AP3D1: variants seen among roughly 807,000 people sequenced by gnomAD.
AP3D1 encodes the protein adaptor related protein complex 3 subunit delta 1.
A neutral mutation model predicts 147.6 loss-of-function variants in AP3D1; 51 were observed. The ratio of observed to expected loss-of-function variants is 0.35; its 90% CI spans 0.28 to 0.44. The LOEUF (loss-of-function observed/expected upper bound fraction) is 0.44. Among genes scored for constraint, AP3D1 ranks in the 20% least tolerant of loss-of-function variants. AP3D1 has a pLI of 1.00. For synonymous variants in AP3D1, 760 were observed against 663.0 expected, an observed-to-expected ratio of 1.15 and a Z score of -2.25; for missense variants, 1,421 against 1,624.2, an observed-to-expected ratio of 0.87 and a Z score of 2.15.
At chr19:2,136,414 G>A (rs2019078423) in intron 4 of AP3D1, among the ~76,000 whole-genome samples, 2 of 152,224 alleles carry the variant, frequency 1.3e-5, no homozygotes, top group Non-Finnish European at 2.9e-5. Flanking sequence ...TCTGGGGCCA[G>A]AAAGGGGCCA....
At chr19:2,140,100 C>A (rs1475601317) in intron 1 of AP3D1, among the ~76,000 whole-genome samples, 2 of 152,142 alleles carry the variant, frequency 1.3e-5, no homozygotes, top group Non-Finnish European at 2.9e-5. Flanking sequence ...GGACTGTGCT[C>A]CCATCCCCGG....
chr19:2,123,955 C>A, intron 9 of AP3D1, 76 bp from the exon 10 acceptor site: 1 of 1,476,096 alleles, frequency 6.8e-7, no homozygotes, highest in Non-Finnish European at 9.3e-7. Flanking sequence ...CCACGGGGCA[C>A]CAGCACCCCC....
chr19:2,115,515 G>T (rs762451416), intron 19 of AP3D1, 23 bp downstream of exon 19: 2 of 1,611,912 alleles, frequency 1.2e-6, no homozygotes, highest in Admixed American at 3.3e-5. Flanking sequence ...CAAATGCGGC[G>T]CCGACACACC....
At chr19:2,103,817 CAGACCCCAGTGCCA>C (rs367681682) in intron 31 of AP3D1, among the ~76,000 whole-genome samples, 210 of 152,294 alleles carry the variant, frequency 1.4e-3, no homozygotes, top group African/African-American at 4.5e-3. Flanking sequence ...AGGCCCTCGG[CAGACCCCAGTGCCA>C]AGACCCCAGT....
chr19:2,128,468 C>T (rs1362321397), intron 8 of AP3D1, among the ~76,000 whole-genome samples: 30 of 75,446 alleles, frequency 4.0e-4, no homozygotes, highest in African/African-American at 2.2e-3. Context: ...AGCCGGCCCG[C>T]CCCCGCCGCT....
chr19:2,105,874 T>A (rs2018097480), intron 31 of AP3D1, among the ~76,000 whole-genome samples: 1 of 151,982 alleles, frequency 6.6e-6, no homozygotes, highest in South Asian at 2.1e-4. Context: ...GGCAGGCGGA[T>A]CAGGAGTTTG....
chr19:2,157,047 C>T (rs2019650955), intron 1 of AP3D1, among the ~76,000 whole-genome samples: 1 of 151,468 alleles, frequency 6.6e-6, no homozygotes, highest in Non-Finnish European at 1.5e-5. Context: ...CATCCATCCA[C>T]CCATCTGTCA....
intron 9 of AP3D1, among the ~76,000 whole-genome samples, chr19:2,124,132 C>T (rs1232412240): frequency 6.6e-6 from 1 of 152,236 alleles, no homozygotes; most frequent in Non-Finnish European, 1.5e-5. Flanking sequence ...GCTGTTCCTG[C>T]AAACACTGGT....
At chr19:2,116,553 C>A in intron 17 of AP3D1, 52 bp downstream of exon 17, 1 of 1,507,956 alleles carries the variant, frequency 6.6e-7, no homozygotes, top group Non-Finnish European at 8.8e-7. Flanking sequence ...CAAAGACTCC[C>A]TGGGACAGGA....
chr19:2,116,072 C>T (rs982423890), intron 18 of AP3D1, 135 bp downstream of exon 18: 18 of 859,102 alleles, frequency 2.1e-5, no homozygotes, highest in African/African-American at 2.0e-4. Flanking sequence ...TCAAAGGCTC[C>T]GCACAGTCAC....
rs34892415 is a variant in AP3D1, at chr19:2,131,734, G to A, written c.462+737C>T. Among the ~76,000 whole-genome samples the A allele has an allele frequency of 9.8e-3, 917 of 93,148 alleles. 35 individuals are homozygous for A. Among genetic ancestry groups the A allele is most frequent in the Non-Finnish European group, 0.012 (531 of 42,924 alleles). The allele number at this position is 93,148 out of a possible 152,430, so 61.1% of individuals were successfully genotyped here. A position where few individuals can be genotyped will look rare whatever the true frequency, so the allele number is the denominator to read the frequency against. ...GCGGACAGGCAGCCACGCGGGGACC[G>A]CGCCCATCGGCCACGATCTAGACAC... On this transcript the variant is annotated intron_variant, in intron 5 of 31. Transcript: ENST00000643116.
intron 7 of AP3D1, 23 bp downstream of exon 7, chr19:2,129,295 C>A (rs762290018): frequency 3.7e-6 from 6 of 1,613,278 alleles, no homozygotes; most frequent in Non-Finnish European, 8.5e-7. Context: ...GGTGAGGAGG[C>A]CACATTCCCG....
chr19:2,115,403 T>C lies in AP3D1; in HGVS notation c.2165A>G (p.Asp722Gly), dbSNP rs2018416834. 1 of 1,607,342 alleles carries C rather than the reference T, an allele frequency of 6.2e-7. No homozygotes were observed. The highest frequency in any genetic ancestry group is 1.3e-5 in the African/African-American group (1 of 75,032). Residue 722 changes from aspartate (D) to glycine (G), a missense_variant, in exon 20 of 32, where the codon GAT becomes GGT. Physicochemically the swap from Asp to Gly is moderately conservative, Grantham distance 94 (BLOSUM62 -1). Coordinates refer to ENST00000643116, the MANE Select transcript of AP3D1 (RefSeq NM_001261826.3). Reference sequence around the variant, plus strand: ...CTCCTCCTCCAGCTTCACATACTGATCTGACATAGGCAGCCCTGCGGGCCG... The same window carrying C: ...CTCCTCCTCCAGCTTCACATACTGACCTGACATAGGCAGCCCTGCGGGCCG... ...PLKVPGLPMS[D>G]QYVKLEEERR... is the part of the protein sequence containing the mutation.
chr19:2,117,979 G>C (rs1414540228), intron 15 of AP3D1, among the ~76,000 whole-genome samples: 1 of 152,188 alleles, frequency 6.6e-6, no homozygotes, highest in East Asian at 1.9e-4. Context: ...GGCCAACAAG[G>C]TGAAACTCCG....
rs2019115057 is a variant in AP3D1, at chr19:2,137,740, T to C, written c.260A>G (p.Lys87Arg). 1 of 1,613,880 alleles carries C rather than the reference T, an allele frequency of 6.2e-7. No individual in the cohort carries two copies. The highest frequency in any genetic ancestry group is 1.1e-5 in the South Asian group (1 of 91,070). ...CCAGAACCTCACCTTGAAGGTGAACTTGGAGGCACTCATCACTTCTATGAT... is the reference window on the plus strand; with the variant it reads ...CCAGAACCTCACCTTGAAGGTGAACCTGGAGGCACTCATCACTTCTATGAT... ...FNIIEVMSAS[K>R]FTFKRIGYLA... The change falls in exon 3 of 32, where the codon AAG becomes AGG. Residue 87 changes from lysine (K) to arginine (R), a missense_variant. This residue lies in a region of AP3D1 where 292 missense variants were observed against 412.0 expected (regional missense o/e 0.71). Coordinates refer to ENST00000643116, the MANE Select transcript of AP3D1 (RefSeq NM_001261826.3).
At chr19:2,149,715 G>T (rs2019455281) in intron 1 of AP3D1, among the ~76,000 whole-genome samples, 1 of 152,144 alleles carries the variant, frequency 6.6e-6, no homozygotes, top group Non-Finnish European at 1.5e-5. Context: ...TAGAGGTGTG[G>T]TCCTCCACTG....
At position 2,118,917 on chromosome 19, in the gene AP3D1, C is replaced by T. The variant is rs546053301; in HGVS notation, c.1482-85G>A. 914 of 1,284,482 alleles carry T rather than the reference C, an allele frequency of 7.1e-4. 8 individuals carry two copies. The South Asian group carries it at 0.012, about 17-fold the overall frequency. The allele number at this position is 1,284,482 out of a possible 1,614,324, so 79.6% of individuals were successfully genotyped here. A position where few individuals can be genotyped will look rare whatever the true frequency, so the allele number is the denominator to read the frequency against. On this transcript the variant is annotated intron_variant, in intron 14 of 31. Transcript: ENST00000643116. ...GGTGAGGACCTAGGAGGCCTGGGCT[C>T]GTCACCAACAAGGTGACTCTGGGCC...
At chr19:2,150,065 C>A (rs1286781971) in intron 1 of AP3D1, among the ~76,000 whole-genome samples, 1 of 152,232 alleles carries the variant, frequency 6.6e-6, no homozygotes, top group African/African-American at 2.4e-5. Flanking sequence ...CGAAGCCACA[C>A]CACTTCCAGG....
intron 31 of AP3D1, among the ~76,000 whole-genome samples, chr19:2,106,801 A>G (rs911379519): frequency 6.6e-6 from 1 of 152,194 alleles, no homozygotes; most frequent in African/African-American, 2.4e-5. Context: ...AGCCAGACAC[A>G]GAAGGATACA....
Sources: allele counts gnomAD v4.1 joint callset (sites outside exome capture counted in the v4.1 genomes callset), GRCh38; gene constraint gnomAD v4.1.1; regional missense constraint gnomAD v4.1.1; transcripts MANE v1.5; gene names NCBI Gene and HGNC (gene_info 2026-07-23, HGNC 2026-07-21).